MSI2: variants seen among roughly 807,000 people sequenced by gnomAD.
MSI2 encodes RNA-binding protein Musashi homolog 2.
A neutral mutation model predicts 45.6 loss-of-function variants in MSI2; 17 were observed. The ratio of observed to expected loss-of-function variants is 0.37; its 90% CI spans 0.26 to 0.56. The LOEUF is 0.56. MSI2 is among the 20% of genes least tolerant of loss of function. The pLI is 0.77. For missense variants in MSI2, 293 were observed against 444.2 expected, an observed-to-expected ratio of 0.66 and a Z score of 3.06; for synonymous variants, 156 against 158.2, an observed-to-expected ratio of 0.99 and a Z score of 0.11.
intron 10 of MSI2, among the ~76,000 whole-genome samples, chr17:57,634,771 A>G (rs573006992): frequency 1.3e-5 from 2 of 152,356 alleles, no homozygotes; most frequent in East Asian, 3.9e-4. Flanking sequence ...TGGCTCCATA[A>G]TACTCATGGT....
chr17:57,483,684 G>A (rs185062046), intron 6 of MSI2, among the ~76,000 whole-genome samples: 1 of 152,330 alleles, frequency 6.6e-6, no homozygotes, highest in African/African-American at 2.4e-5. Context: ...CTCTGAGGGG[G>A]TGGATGCTGT....
At chr17:57,560,021 T>C (rs897519467) in intron 7 of MSI2, among the ~76,000 whole-genome samples, 1 of 152,270 alleles carries the variant, frequency 6.6e-6, no homozygotes, top group Non-Finnish European at 1.5e-5. Flanking sequence ...GCCATCTGGA[T>C]TTGTGCTCCG....
chr17:57,490,721 G>T (rs1287294866), intron 6 of MSI2, among the ~76,000 whole-genome samples: 1 of 152,210 alleles, frequency 6.6e-6, no homozygotes, highest in Middle Eastern at 3.2e-3. Flanking sequence ...ATCTTGGTGA[G>T]ATGCCCTGAT....
intron 5 of MSI2, among the ~76,000 whole-genome samples, chr17:57,363,198 G>T (rs540344716): frequency 1.3e-5 from 2 of 152,218 alleles, no homozygotes; most frequent in Admixed American, 6.5e-5. Context: ...AGGCAATTCC[G>T]ATAGATGCTA....
In MSI2 at chr17:57,622,008, G is replaced by C. The variant is rs1908331425; in HGVS notation, c.653-5221G>C. ...AGGTCAGGAGTTAGAGACTAGCCTG[G>C]CCAACATAGTGAAAACTCCATCTCT... On this transcript the variant is annotated intron_variant, in intron 9 of 13. Coordinates refer to ENST00000284073, the MANE Select transcript of MSI2 (RefSeq NM_138962.4). Among the ~76,000 whole-genome samples, 4 of 152,160 alleles carry C rather than the reference G, an allele frequency of 2.6e-5. No individual in the cohort carries two copies. In the South Asian group the frequency reaches 8.3e-4, roughly 32 times the overall value.
In MSI2 at chr17:57,525,129, C is replaced by A. The variant is rs1019343050; in HGVS notation, c.406-4547C>A. 3.3e-5 allele frequency among the ~76,000 whole-genome samples: 5 copies of A among 152,342 alleles called. No homozygotes were observed. The East Asian group carries it at 9.6e-4, about 29-fold the overall frequency. Reference sequence around the variant, plus strand: ...ACAGATTAGGTCCCCTTTGTTGACTCTCACATACTTCTGAGGATATTACAG... The same window carrying A: ...ACAGATTAGGTCCCCTTTGTTGACTATCACATACTTCTGAGGATATTACAG... On this transcript the variant is annotated intron_variant, in intron 6 of 13. Transcript: ENST00000284073.
At chr17:57,484,306 G>A (rs747965987) in intron 6 of MSI2, among the ~76,000 whole-genome samples, 19 of 152,180 alleles carry the variant, frequency 1.2e-4, no homozygotes, top group African/African-American at 3.6e-4. Context: ...GTGGGTCCAT[G>A]TCTGTACCTC....
chr17:57,313,706 C>T (rs917811298), intron 5 of MSI2, among the ~76,000 whole-genome samples: 1 of 152,208 alleles, frequency 6.6e-6, no homozygotes, highest in Non-Finnish European at 1.5e-5. Flanking sequence ...GCTTTCAGTT[C>T]GGTCCGGTTC....
rs540147888 is a variant in MSI2, at chr17:57,319,061, G to A, written c.312+56869G>A. ...AAAGTGTGTGTGGGGAGCTGTGGCC[G>A]TAGTCTTGCTCTCTTCTGAGCTGGT... On this transcript the variant is annotated intron_variant, in intron 5 of 13. Coordinates refer to ENST00000284073, the MANE Select transcript of MSI2 (RefSeq NM_138962.4). Among the ~76,000 whole-genome samples, 69 of 152,356 alleles carry A rather than the reference G, an allele frequency of 4.5e-4. 2 individuals are homozygous for A. The South Asian group carries it at 0.012, about 27-fold the overall frequency.
chr17:57,288,250 T>C (rs1480601936), intron 5 of MSI2, among the ~76,000 whole-genome samples: 2 of 152,342 alleles, frequency 1.3e-5, no homozygotes, highest in East Asian at 1.9e-4. Flanking sequence ...TCCTGGCATC[T>C]GTTAGGTGCT....
At chr17:57,362,292 G>T (rs1431562938) in intron 5 of MSI2, among the ~76,000 whole-genome samples, 1 of 152,168 alleles carries the variant, frequency 6.6e-6, no homozygotes, top group African/African-American at 2.4e-5. Flanking sequence ...CATTTTGTTC[G>T]GTAATAGTGT....
chr17:57,521,454 C>T (rs1035797283), intron 6 of MSI2, among the ~76,000 whole-genome samples: 6 of 152,138 alleles, frequency 3.9e-5, no homozygotes, highest in Non-Finnish European at 8.8e-5. Context: ...TCTTAAAGCC[C>T]TCTGTTCATT....
intron 5 of MSI2, among the ~76,000 whole-genome samples, chr17:57,306,278 C>T (rs1015659500): frequency 1.3e-5 from 2 of 151,926 alleles, no homozygotes; most frequent in South Asian, 2.1e-4. Flanking sequence ...AGTTCACTGC[C>T]GCCTATAGAG....
intron 5 of MSI2, among the ~76,000 whole-genome samples, chr17:57,393,032 T>C (rs146471167): frequency 3.3e-5 from 5 of 152,302 alleles, no homozygotes; most frequent in Admixed American, 1.3e-4. Flanking sequence ...CGCATACCCT[T>C]TAGCCATCAC....
chr17:57,447,750 CT>C (rs773344140), intron 6 of MSI2, among the ~76,000 whole-genome samples: 18 of 152,266 alleles, frequency 1.2e-4, no homozygotes, highest in Non-Finnish European at 2.2e-4. Flanking sequence ...CTGGAACCAC[CT>C]GCTTGGCTTC....
chr17:57,375,282 C>T (rs1476665916), intron 5 of MSI2, among the ~76,000 whole-genome samples: 1 of 152,088 alleles, frequency 6.6e-6, no homozygotes, highest in African/African-American at 2.4e-5. Flanking sequence ...GCAGCCTTCC[C>T]AGGCCTCTAG....
intron 6 of MSI2, among the ~76,000 whole-genome samples, chr17:57,446,389 C>CG (rs2084901422): frequency 6.6e-6 from 1 of 152,074 alleles, no homozygotes; most frequent in Non-Finnish European, 1.5e-5. Context: ...AGGGGATGGT[C>CG]GGAAGGAAGA....
intron 5 of MSI2, among the ~76,000 whole-genome samples, chr17:57,331,718 G>C (rs942022344): frequency 1.3e-5 from 2 of 152,170 alleles, no homozygotes; most frequent in African/African-American, 4.8e-5. Context: ...TCAGTGTTCT[G>C]CGTTTCTAGG....
chr17:57,372,720 G>A (rs971227152), intron 5 of MSI2, among the ~76,000 whole-genome samples: 3 of 152,068 alleles, frequency 2.0e-5, no homozygotes, highest in African/African-American at 7.2e-5. Context: ...ACTATAAAAG[G>A]GTGTACTGTT....
Sources: allele counts gnomAD v4.1 joint callset (sites outside exome capture counted in the v4.1 genomes callset), GRCh38; gene constraint gnomAD v4.1.1; transcripts MANE v1.5; gene names NCBI Gene and HGNC (gene_info 2026-07-23, HGNC 2026-07-21).